The following STXBP5L variants were observed in gnomAD, a reference collection of about 807,000 sequenced individuals.
STXBP5L encodes the protein syntaxin-binding protein 5-like.
In STXBP5L, 65 loss-of-function variants were observed where a neutral mutation model predicts 144.5. The ratio of observed to expected loss-of-function variants is 0.45; its 90% CI spans 0.37 to 0.55. The LOEUF (loss-of-function observed/expected upper bound fraction) is 0.55, where lower values mean the gene tolerates loss of function less well. Among genes scored for constraint, STXBP5L ranks in the 20% least tolerant of loss-of-function variants. The probability of loss-of-function intolerance (pLI) is 0.00; values close to 1 mark genes in which losing one functional copy is unlikely to be tolerated. For missense variants in STXBP5L, 1,298 were observed against 1,405.5 expected (o/e 0.92, Z 1.22); for synonymous variants, 505 against 469.6 (o/e 1.08, Z -0.97).
At chr3:120,963,807 T>C (rs927496163) in intron 3 of STXBP5L, among the ~76,000 whole-genome samples, 1 of 152,098 alleles carries the variant, frequency 6.6e-6, no homozygotes, top group Non-Finnish European at 1.5e-5. Context: ...TGGGAGGATT[T>C]CCTCTTTTTC....
chr3:121,143,671 C>G (rs949551022), intron 7 of STXBP5L, among the ~76,000 whole-genome samples: 1 of 151,824 alleles, frequency 6.6e-6, no homozygotes, highest in Non-Finnish European at 1.5e-5. Context: ...GTCAACTGAT[C>G]TTTGACAAGG....
At chr3:121,376,792 G>A (rs2046196685) in intron 20 of STXBP5L, among the ~76,000 whole-genome samples, 1 of 152,116 alleles carries the variant, frequency 6.6e-6, no homozygotes, top group Non-Finnish European at 1.5e-5. Context: ...GATGGGAATA[G>A]CATTGAATCT....
chr3:121,325,176 C>G (rs1256535390), intron 20 of STXBP5L, among the ~76,000 whole-genome samples: 1 of 151,928 alleles, frequency 6.6e-6, no homozygotes, highest in Non-Finnish European at 1.5e-5. Flanking sequence ...TGCACAGCCT[C>G]CTGAAATTAG....
chr3:121,352,473 G>T (rs188607836), intron 20 of STXBP5L, among the ~76,000 whole-genome samples: 50 of 152,078 alleles, frequency 3.3e-4, no homozygotes, highest in Non-Finnish European at 1.5e-4. Context: ...CTCATGATTT[G>T]GCTCTCTGTT....
At chr3:120,958,181 A>G (rs1165329262) in intron 3 of STXBP5L, among the ~76,000 whole-genome samples, 1 of 152,226 alleles carries the variant, frequency 6.6e-6, no homozygotes, top group Admixed American at 6.5e-5. Context: ...ATTCCTGGAC[A>G]CATACACCCT....
chr3:120,942,583 CT>C (rs1026765189), intron 2 of STXBP5L, among the ~76,000 whole-genome samples: 8 of 149,752 alleles, frequency 5.3e-5, no homozygotes, highest in African/African-American at 1.7e-4. Context: ...AATTTCCTCC[CT>C]TTTTTTTTGG....
At position 121,401,560 on chromosome 3, in the gene STXBP5L, A is replaced by G. The variant is rs1159054600; in HGVS notation, c.2588-5683A>G. On this transcript the variant is annotated intron_variant, in intron 22 of 26. Transcript: ENST00000471454. ...ACATATACACCATGGAATACTATAC[A>G]GCCATAAAAAATGATGAGTTCATGT... 2.8e-5 allele frequency among the ~76,000 whole-genome samples: 4 copies of G among 143,650 alleles called. No individual in the cohort carries two copies. In the Admixed American group the frequency reaches 2.9e-4, roughly 10 times the overall value. 94.2% of individuals were successfully genotyped at this position (143,650 alleles called of 152,430 possible).
At chr3:121,084,987 T>C (rs535192234) in intron 5 of STXBP5L, among the ~76,000 whole-genome samples, 1 of 151,432 alleles carries the variant, frequency 6.6e-6, no homozygotes. Context: ...TTTTTTTTCA[T>C]GTGTTTGTCA....
At chr3:120,954,903 C>T (rs1161820030) in intron 2 of STXBP5L, 37 bp from the exon 3 acceptor site, 1 of 1,544,380 alleles carries the variant, frequency 6.5e-7, no homozygotes, top group African/African-American at 1.4e-5. Context: ...ATTTTTATTT[C>T]CCTAGAGACT....
At position 120,954,935 on chromosome 3, in the gene STXBP5L, T is replaced by G; in HGVS notation, c.190-5T>G. ...GACTTATTGGTATTATTTGCTCTCT[T>G]TCAGACAGTTCGGCATGGTTTTCCT... On this transcript the variant is annotated splice_region_variant and splice_polypyrimidine_tract_variant and intron_variant, in intron 2 of 26. Transcript: ENST00000471454. The G allele has an allele frequency of 6.2e-7, 1 of 1,611,204 alleles. No homozygotes were observed. Among genetic ancestry groups the G allele is most frequent in the Non-Finnish European group, 8.5e-7 (1 of 1,178,276 alleles).
At chr3:121,047,825 T>G (rs911775117) in intron 5 of STXBP5L, among the ~76,000 whole-genome samples, 1 of 152,174 alleles carries the variant, frequency 6.6e-6, no homozygotes, top group Non-Finnish European at 1.5e-5. Flanking sequence ...GCCTTTTAAT[T>G]GGAGCATTTA....
At chr3:121,388,836 A>G (rs549590302) in intron 22 of STXBP5L, among the ~76,000 whole-genome samples, 12 of 152,312 alleles carry the variant, frequency 7.9e-5, no homozygotes, top group African/African-American at 2.6e-4. Context: ...CATCACAGAT[A>G]TTGCTCTAAA....
At chr3:121,377,287 G>A (rs112258291) in intron 20 of STXBP5L, among the ~76,000 whole-genome samples, 1,570 of 152,120 alleles carry the variant, frequency 0.01, 25 homozygotes, top group African/African-American at 0.035. Flanking sequence ...CAAAGATTTC[G>A]TGACTACAAC....
At chr3:121,146,518 T>G (rs2045716134) in intron 7 of STXBP5L, among the ~76,000 whole-genome samples, 1 of 152,078 alleles carries the variant, frequency 6.6e-6, no homozygotes, top group South Asian at 2.1e-4. Flanking sequence ...GCAATTATAT[T>G]AAATGTAAAC....
At chr3:121,285,860 A>C (rs544639529) in intron 19 of STXBP5L, among the ~76,000 whole-genome samples, 2 of 152,210 alleles carry the variant, frequency 1.3e-5, no homozygotes, top group East Asian at 3.9e-4. Flanking sequence ...ATGTTAATAA[A>C]AGTGATTCTA....
chr3:120,955,589 ATAAT>A (rs1294655216), intron 3 of STXBP5L, among the ~76,000 whole-genome samples: 1 of 152,002 alleles, frequency 6.6e-6, no homozygotes, highest in Non-Finnish European at 1.5e-5. Flanking sequence ...ACTTTTTGAG[ATAAT>A]TAATTGTAGA....
At chr3:121,359,193 C>G (rs2045625410) in intron 20 of STXBP5L, among the ~76,000 whole-genome samples, 1 of 152,122 alleles carries the variant, frequency 6.6e-6, no homozygotes, top group African/African-American at 2.4e-5. Context: ...ATTTGCATTT[C>G]TCTGATGATC....
At chr3:121,269,791 C>A (rs339010) in intron 18 of STXBP5L, among the ~76,000 whole-genome samples, 3 of 152,168 alleles carry the variant, frequency 2.0e-5, no homozygotes, top group Non-Finnish European at 4.4e-5. Context: ...TCTGGGATGT[C>A]TCTTTATACA....
chr3:121,252,466 CATA>C (rs1201424006), intron 15 of STXBP5L, among the ~76,000 whole-genome samples: 2 of 151,926 alleles, frequency 1.3e-5, no homozygotes, highest in Admixed American at 6.6e-5. Flanking sequence ...CTTAAGCATG[CATA>C]ATAATATTTT....
Sources: gnomAD v4.1 joint callset for allele counts (sites outside exome capture counted in the v4.1 genomes callset) on GRCh38, gnomAD v4.1.1 for gene constraint, MANE v1.5 for transcripts, NCBI Gene and HGNC (gene_info 2026-07-23, HGNC 2026-07-21) for gene names.